Variants in SDK1 observed in about 807,000 individuals in gnomAD.
SDK1 encodes the protein sidekick cell adhesion molecule 1.
In SDK1, 157 loss-of-function variants were observed where a neutral mutation model predicts 245.5. The observed-to-expected ratio is 0.64, with a 90% CI of 0.56 to 0.73. SDK1 has a LOEUF of 0.73. Ranked by LOEUF, SDK1 falls within the 30% of genes least tolerant of loss-of-function variation. The pLI is 0.00. For synonymous variants in SDK1, 1,647 were observed against 1,278.5 expected (o/e 1.29, Z -6.15); for missense variants, 3,583 against 3,002.3 (o/e 1.19, Z -4.52).
chr7:3,434,010 G>T (rs1282295983), intron 1 of SDK1, among the ~76,000 whole-genome samples: 2 of 152,320 alleles, frequency 1.3e-5, no homozygotes, highest in East Asian at 1.9e-4. Context: ...TCATCCCACA[G>T]ATCTGATGAT....
At chr7:3,483,114 T>C (rs1781568617) in intron 1 of SDK1, among the ~76,000 whole-genome samples, 1 of 152,240 alleles carries the variant, frequency 6.6e-6, no homozygotes, top group Non-Finnish European at 1.5e-5. Context: ...GTTTTAGGAT[T>C]GGCTTGTCAA....
chr7:3,503,213 GGAA>G (rs958471011), intron 1 of SDK1, among the ~76,000 whole-genome samples: 3 of 152,062 alleles, frequency 2.0e-5, no homozygotes, highest in African/African-American at 4.8e-5. Context: ...TCAACTCCCT[GGAA>G]GAAGAAGAAG....
intron 1 of SDK1, among the ~76,000 whole-genome samples, chr7:3,535,872 C>T (rs1778870297): frequency 6.6e-6 from 1 of 152,068 alleles, no homozygotes; most frequent in South Asian, 2.1e-4. Context: ...AATCATTATC[C>T]AGGCACTATA....
At chr7:3,877,107 A>G (rs1781094678) in intron 5 of SDK1, among the ~76,000 whole-genome samples, 1 of 152,226 alleles carries the variant, frequency 6.6e-6, no homozygotes. Context: ...CCAGAGAGGC[A>G]TGGATACAAA....
chr7:4,109,293 G>A lies in SDK1; in HGVS notation c.3325-1370G>A, dbSNP rs369956893. 3.3e-5 allele frequency among the ~76,000 whole-genome samples: 5 copies of A among 152,254 alleles called. No homozygotes were observed. The South Asian group carries it at 8.3e-4, about 25-fold the overall frequency. ...TTGAGAGTTTTGCGCTTTGCCTTTC[G>A]AGTTCTCTAGGAAGCAAGCCACCAG... On this transcript the variant is annotated intron_variant, in intron 22 of 44. Coordinates refer to ENST00000404826, the MANE Select transcript of SDK1 (RefSeq NM_152744.4).
chr7:3,613,430 G>A lies in SDK1; in HGVS notation c.299-5650G>A, dbSNP rs567576374. Reference sequence around the variant, plus strand: ...CACATAAAATTATGATGTTGTGTAAGCCTTCCTTTTTCTCCACAACCTCTC... The same window carrying A: ...CACATAAAATTATGATGTTGTGTAAACCTTCCTTTTTCTCCACAACCTCTC... On this transcript the variant is annotated intron_variant, in intron 1 of 44. Coordinates refer to ENST00000404826, the MANE Select transcript of SDK1 (RefSeq NM_152744.4). Among the ~76,000 whole-genome samples the A allele has an allele frequency of 3.3e-5, 5 of 152,258 alleles. No homozygotes were observed. In the South Asian group the frequency reaches 1.0e-3, roughly 32 times the overall value.
intron 4 of SDK1, among the ~76,000 whole-genome samples, chr7:3,799,305 C>T (rs113339512): frequency 6.6e-6 from 1 of 151,734 alleles, no homozygotes; most frequent in Admixed American, 6.6e-5. Context: ...ATTCTTCTAT[C>T]TCAAATTGTG....
intron 1 of SDK1, among the ~76,000 whole-genome samples, chr7:3,529,951 C>T (rs897790499): frequency 6.6e-6 from 1 of 152,086 alleles, no homozygotes; most frequent in African/African-American, 2.4e-5. Context: ...CAGAGAGGGA[C>T]AGGCCTGAAC....
intron 3 of SDK1, among the ~76,000 whole-genome samples, chr7:3,639,710 C>T (rs1270157656): frequency 1.3e-5 from 2 of 151,942 alleles, no homozygotes; most frequent in East Asian, 1.9e-4. Context: ...CGAACTTGGC[C>T]TATGAAAGTA....
intron 1 of SDK1, among the ~76,000 whole-genome samples, chr7:3,441,350 T>A (rs1013693730): frequency 1.3e-5 from 2 of 152,098 alleles, no homozygotes; most frequent in East Asian, 3.8e-4. Flanking sequence ...GGAGGACTCT[T>A]GTACATCATG....
At chr7:3,302,861 C>T (rs1401676046) in intron 1 of SDK1, among the ~76,000 whole-genome samples, 2 of 152,148 alleles carry the variant, frequency 1.3e-5, no homozygotes, top group African/African-American at 4.8e-5. Context: ...ACTCGATATT[C>T]TGAGATTGGC....
intron 14 of SDK1, among the ~76,000 whole-genome samples, chr7:3,997,356 T>C (rs1035255983): frequency 2.0e-5 from 3 of 152,178 alleles, no homozygotes; most frequent in African/African-American, 7.2e-5. Flanking sequence ...TGTAGGCAAG[T>C]CGTCCCATCG....
At chr7:3,385,578 T>G (rs1781590546) in intron 1 of SDK1, among the ~76,000 whole-genome samples, 1 of 152,166 alleles carries the variant, frequency 6.6e-6, no homozygotes, top group African/African-American at 2.4e-5. Context: ...GCCTGGAATC[T>G]TCTTTAAAAC....
chr7:3,775,329 C>T (rs1408646598), intron 4 of SDK1, among the ~76,000 whole-genome samples: 1 of 152,166 alleles, frequency 6.6e-6, no homozygotes, highest in Admixed American at 6.5e-5. Context: ...ATAGTGGCAA[C>T]TGCCTATGGT....
At chr7:3,531,217 C>T (rs183861808) in intron 1 of SDK1, among the ~76,000 whole-genome samples, 2 of 152,082 alleles carry the variant, frequency 1.3e-5, no homozygotes, top group African/African-American at 2.4e-5. Context: ...GATAAGTTCA[C>T]GTTTTTACTT....
At chr7:3,466,447 AT>A (rs1781004191) in intron 1 of SDK1, among the ~76,000 whole-genome samples, 2 of 146,594 alleles carry the variant, frequency 1.4e-5, no homozygotes, top group Non-Finnish European at 3.0e-5. Flanking sequence ...CTGTCACCAC[AT>A]TTTTATCTAG....
chr7:3,492,274 G>T (rs1781884689), intron 1 of SDK1, among the ~76,000 whole-genome samples: 1 of 152,160 alleles, frequency 6.6e-6, no homozygotes, highest in Non-Finnish European at 1.5e-5. Flanking sequence ...TCTTTAAGAA[G>T]CCTGACAGAG....
intron 4 of SDK1, among the ~76,000 whole-genome samples, chr7:3,650,642 A>G (rs915357248): frequency 6.6e-6 from 1 of 152,184 alleles, no homozygotes; most frequent in Non-Finnish European, 1.5e-5. Context: ...ATCAACAAAC[A>G]GAAGGTTTCT....
chr7:3,945,971 GGAAA>G (rs1780562586), intron 5 of SDK1, among the ~76,000 whole-genome samples: 1 of 59,256 alleles, frequency 1.7e-5, no homozygotes, highest in Admixed American at 2.0e-4. Flanking sequence ...ATTAAAAAAA[GGAAA>G]ATATTGGAAA....
Sources: allele counts gnomAD v4.1 joint callset (sites outside exome capture counted in the v4.1 genomes callset), GRCh38; gene constraint gnomAD v4.1.1; transcripts MANE v1.5; gene names NCBI Gene and HGNC (gene_info 2026-07-23, HGNC 2026-07-21).